The following DEPDC7 variants were observed in gnomAD, a reference collection of about 807,000 sequenced individuals.
DEPDC7 encodes DEP domain containing 7, also known as DEP domain-containing protein 7.
A neutral mutation model predicts 56.6 loss-of-function variants in DEPDC7; 41 were observed. The observed-to-expected ratio is 0.72, with a 90% CI of 0.56 to 0.94. The LOEUF is 0.94. Among genes scored for constraint, DEPDC7 ranks in the 40% least tolerant of loss-of-function variants. The probability of loss-of-function intolerance (pLI) is 0.00; values close to 1 mark genes in which losing one functional copy is unlikely to be tolerated. For missense variants in DEPDC7, 522 were observed against 596.3 expected, an observed-to-expected ratio of 0.88 and a Z score of 1.30; for synonymous variants, 185 against 208.8, an observed-to-expected ratio of 0.89 and a Z score of 0.98.
intron 1 of DEPDC7, among the ~76,000 whole-genome samples, chr11:33,019,878 C>CTTT (rs77915754): frequency 1.6e-5 from 2 of 128,772 alleles, no homozygotes; most frequent in Non-Finnish European, 3.4e-5. Context: ...GATTCAGTTC[C>CTTT]TTTTTTTTTT....
intron 4 of DEPDC7, 37 bp from the exon 5 acceptor site, chr11:33,031,341 C>T (rs779244356): frequency 6.7e-7 from 1 of 1,497,286 alleles, no homozygotes; most frequent in South Asian, 1.1e-5. Context: ...AATAATCTTC[C>T]CTTGCCTTTT....
chr11:33,032,626 C>A, intron 6 of DEPDC7, 42 bp from the exon 7 acceptor site: 1 of 1,415,058 alleles, frequency 7.1e-7, no homozygotes, highest in South Asian at 1.4e-5. Context: ...AAACTTGTCT[C>A]TTAAATATAT....
At chr11:33,018,870 G>A (rs1169195151) in intron 1 of DEPDC7, among the ~76,000 whole-genome samples, 1 of 152,120 alleles carries the variant, frequency 6.6e-6, no homozygotes, top group African/African-American at 2.4e-5. Context: ...GTGACAGTTT[G>A]CTCCTTTTGT....
At position 33,033,491 on chromosome 11, in the gene DEPDC7, G is replaced by T. The variant is rs1413606227; in HGVS notation, c.*36G>T. On this transcript the variant is annotated 3_prime_UTR_variant, in exon 9 of 9. Coordinates refer to ENST00000241051, the MANE Select transcript of DEPDC7 (RefSeq NM_001077242.2). ...TCTGTATATAAGTTGTGTATTTTAA[G>T]AATAAATTATGTATCCTAAATATCC... The T allele has an allele frequency of 2.3e-6, 3 of 1,327,492 alleles. No homozygotes were observed. Among genetic ancestry groups the T allele is most frequent in the East Asian group, 2.5e-5 (1 of 40,130 alleles). The allele number at this position is 1,327,492 out of a possible 1,614,324, so 82.2% of individuals were successfully genotyped here.
At position 33,033,198 on chromosome 11, in the gene DEPDC7, G is replaced by T. The variant is rs902826285; in HGVS notation, c.1343-64G>T. On this transcript the variant is annotated intron_variant, in intron 8 of 8. Coordinates refer to ENST00000241051, the MANE Select transcript of DEPDC7 (RefSeq NM_001077242.2). ...AAACATAAAGACAAGAATATTGCTT[G>T]ATTTTTCTGCTTAAATATGAGGAAT... The T allele has an allele frequency of 1.9e-5, 24 of 1,265,060 alleles. No individual in the cohort carries two copies. The Middle Eastern group carries it at 7.4e-4, about 39-fold the overall frequency. The allele number at this position is 1,265,060 out of a possible 1,614,324, so 78.4% of individuals were successfully genotyped here.
At chr11:33,026,091 A>AT (rs1853575832) in intron 2 of DEPDC7, 42 bp downstream of exon 2, 1 of 1,607,636 alleles carries the variant, frequency 6.2e-7, no homozygotes, top group Non-Finnish European at 8.5e-7. Flanking sequence ...TATTGGCAGG[A>AT]TTTTGTCTAC....
rs144803140 is a variant in DEPDC7, at chr11:33,029,458, T to C, written c.782+666T>C. 8.8e-3 allele frequency among the ~76,000 whole-genome samples: 1,278 copies of C among 144,422 alleles called. 5 individuals carry two copies. Among genetic ancestry groups the C allele is most frequent in the Non-Finnish European group, 0.013 (870 of 67,102 alleles). The allele number at this position is 144,422 out of a possible 152,430, so 94.7% of individuals were successfully genotyped here. On this transcript the variant is annotated intron_variant, in intron 4 of 8. Coordinates refer to ENST00000241051, the MANE Select transcript of DEPDC7 (RefSeq NM_001077242.2). The stretch of plus-strand genomic sequence containing the variant: ...AGTGAGCTGAGATCATGTTGCTGCA[T>C]TCCAGCCTAGGTGACAGAGTGAGAA...
At chr11:33,024,832 G>GTGTA (rs1853561305) in intron 1 of DEPDC7, among the ~76,000 whole-genome samples, 2 of 131,342 alleles carry the variant, frequency 1.5e-5, no homozygotes, top group Non-Finnish European at 1.7e-5. Flanking sequence ...GTGTGTGTGT[G>GTGTA]TGTGTGTATG....
At chr11:33,024,802 CTGTGTGTGTGTGTGTGTGTGTG>C (rs35371602) in intron 1 of DEPDC7, among the ~76,000 whole-genome samples, 1 of 146,510 alleles carries the variant, frequency 6.8e-6, no homozygotes, top group African/African-American at 2.5e-5. Flanking sequence ...ATGCATGACT[CTGTGTGTGTGTGTGTGTGTGTG>C]TGTGTGTGTG....
Position 33,028,347 on chromosome 11 carries a change from G to A in DEPDC7, c.593-256G>A, listed in dbSNP as rs1853599163. The A allele has an allele frequency of 1.2e-5, 4 of 337,772 alleles. No homozygotes were observed. In the Admixed American group the frequency reaches 1.8e-4, roughly 15 times the overall value. The allele number at this position is 337,772 out of a possible 1,614,324, so 20.9% of individuals were successfully genotyped here. On this transcript the variant is annotated intron_variant, in intron 3 of 8. Coordinates refer to ENST00000241051, the MANE Select transcript of DEPDC7 (RefSeq NM_001077242.2). Reference sequence around the variant, plus strand: ...TCCTTATTAACATGTTACATGACTTGATCTCTTATCTCTGACAGATTGCTT... The same window carrying A: ...TCCTTATTAACATGTTACATGACTTAATCTCTTATCTCTGACAGATTGCTT...
At position 33,029,620 on chromosome 11, in the gene DEPDC7, C is replaced by T. The variant is rs1853613126; in HGVS notation, c.782+828C>T. ...ATTAAAATTTTTTTTTCCTTAAAGA[C>T]GAGTTCTGTATTACTCATAACTTTG... On this transcript the variant is annotated intron_variant, in intron 4 of 8. Coordinates refer to ENST00000241051, the MANE Select transcript of DEPDC7 (RefSeq NM_001077242.2). Among the ~76,000 whole-genome samples, 5 of 151,612 alleles carry T rather than the reference C, an allele frequency of 3.3e-5. No individual in the cohort carries two copies. In the South Asian group the frequency reaches 8.3e-4, roughly 25 times the overall value.
chr11:33,033,367 C>T lies in DEPDC7; in HGVS notation c.1448C>T (p.Ser483Leu). 6.2e-7 allele frequency: 1 copy of T among 1,611,792 alleles called. No homozygotes were observed. The highest frequency in any genetic ancestry group is 8.5e-7 in the Non-Finnish European group (1 of 1,179,164). ...TTACTAAAAACTCTTGATGAGGATT[C>T]AAAACTTTCTGCCAAAGAGAAGAAA... is the stretch of plus-strand genomic sequence containing the variant. ...LNLLKTLDED[S>L]KLSAKEKKKL... is the part of the protein sequence containing the mutation. The change falls in exon 9 of 9, where the codon TCA (serine) becomes TTA (leucine). Residue 483 changes from serine to leucine, a missense_variant. Ser to Leu is a moderately radical substitution (Grantham distance 145, BLOSUM62 -2). Coordinates refer to ENST00000241051, the MANE Select transcript of DEPDC7 (RefSeq NM_001077242.2).
intron 4 of DEPDC7, 30 bp downstream of exon 4, chr11:33,028,822 T>C (rs752378635): frequency 6.5e-7 from 1 of 1,537,038 alleles, no homozygotes; most frequent in South Asian, 1.2e-5. Context: ...ATAATTTGAG[T>C]GTGTTTGTAG....
intron 1 of DEPDC7, among the ~76,000 whole-genome samples, chr11:33,021,302 C>A (rs1043387895): frequency 5.9e-5 from 9 of 151,536 alleles, no homozygotes; most frequent in African/African-American, 2.2e-4. Flanking sequence ...AAGGAAGCAT[C>A]AAGATGTAGA....
chr11:33,016,066 C>T (rs1240193143), intron 1 of DEPDC7, 38 bp downstream of exon 1: 5 of 1,404,382 alleles, frequency 3.6e-6, no homozygotes, highest in East Asian at 3.1e-5. Context: ...TGGCGCGGGG[C>T]GGGCTGGGGT....
chr11:33,016,341 G>T (rs1853460921), intron 1 of DEPDC7: 1 of 1,403,268 alleles, frequency 7.1e-7, no homozygotes, highest in South Asian at 1.7e-5. Flanking sequence ...ACGCGCCGGG[G>T]AGCTCCGGGA....
In DEPDC7 at chr11:33,026,189, T is replaced by C. The variant is rs1206688423; in HGVS notation, c.464+140T>C. 11 of 905,834 alleles carry C rather than the reference T, an allele frequency of 1.2e-5. No homozygotes were observed. In the African/African-American group the frequency reaches 1.7e-4, roughly 14 times the overall value. The allele number at this position is 905,834 out of a possible 1,614,324, so 56.1% of individuals were successfully genotyped here. A position where few individuals can be genotyped will look rare whatever the true frequency, so the allele number is the denominator to read the frequency against. Reference sequence around the variant, plus strand: ...GGGTCTGTGGGTAAATTTGATAAAGTGCGATGAAATTTTGTTAGCTTTATT... The same window carrying C: ...GGGTCTGTGGGTAAATTTGATAAAGCGCGATGAAATTTTGTTAGCTTTATT... On this transcript the variant is annotated intron_variant, in intron 2 of 8. Coordinates refer to ENST00000241051, the MANE Select transcript of DEPDC7 (RefSeq NM_001077242.2).
rs1853571270 is a variant in DEPDC7, at chr11:33,025,804, T to C, written c.219T>C (p.Asp73=). 6.2e-7 allele frequency: 1 copy of C among 1,614,200 alleles called. No individual in the cohort carries two copies. Among genetic ancestry groups the C allele is most frequent in the Non-Finnish European group, 8.5e-7 (1 of 1,180,036 alleles). The change falls in exon 2 of 9, where the codon GAT becomes GAC. Residue 73 remains aspartate, a synonymous_variant. Transcript: ENST00000241051. ...NDCFVGSEAV[D]VIFSHLIQNK... ...GCTTTGTTGGTTCAGAAGCTGTGGA[T>C]GTCATTTTTTCTCACCTAATTCAGA...
chr11:33,031,403 A>G lies in DEPDC7; in HGVS notation c.808A>G (p.Ile270Val). ...SQEDEWLSAA[I>V]DCLEYLPDQM... ...GGAAGATGAGTGGCTCTCGGCAGCA[A>G]TTGACTGTTTAGAATACCTTCCAGA... The change falls in exon 5 of 9, where the codon ATT (isoleucine) becomes GTT (valine). Residue 270 changes from isoleucine to valine, a missense_variant. Coordinates refer to ENST00000241051, the MANE Select transcript of DEPDC7 (RefSeq NM_001077242.2). The G allele has an allele frequency of 1.2e-6, 2 of 1,614,152 alleles. No homozygotes were observed. Among genetic ancestry groups the G allele is most frequent in the East Asian group, 2.2e-5 (1 of 44,876 alleles).
Sources: gnomAD v4.1 joint callset for allele counts (sites outside exome capture counted in the v4.1 genomes callset) on GRCh38, gnomAD v4.1.1 for gene constraint, MANE v1.5 for transcripts, NCBI Gene and HGNC (gene_info 2026-07-23, HGNC 2026-07-21) for gene names.